Variants in GALNTL6 observed in about 807,000 individuals in gnomAD.
The protein encoded by GALNTL6 is polypeptide N-acetylgalactosaminyltransferase-like 6.
A neutral mutation model predicts 73.7 loss-of-function variants in GALNTL6; 46 were observed. The observed-to-expected ratio is 0.62, with a 90% CI of 0.49 to 0.80. The LOEUF is 0.80. Among genes scored for constraint, GALNTL6 ranks in the 30% least tolerant of loss-of-function variants. The pLI is 0.00. For synonymous variants in GALNTL6, 259 were observed against 263.7 expected, an observed-to-expected ratio of 0.98 and a Z score of 0.17; for missense variants, 604 against 755.0, an observed-to-expected ratio of 0.80 and a Z score of 2.34.
intron 2 of GALNTL6, among the ~76,000 whole-genome samples, chr4:171,980,689 C>T (rs1408361585): frequency 1.3e-5 from 2 of 152,110 alleles, no homozygotes; most frequent in African/African-American, 4.8e-5. Context: ...GTCGAAGTAC[C>T]AAGGGAAAAT....
intron 2 of GALNTL6, among the ~76,000 whole-genome samples, chr4:172,103,149 A>T (rs945151996): frequency 6.6e-6 from 1 of 152,138 alleles, no homozygotes; most frequent in Non-Finnish European, 1.5e-5. Flanking sequence ...CCGGCTAATC[A>T]CCCAGTGTGG....
chr4:172,853,030 T>C (rs1211719245), intron 7 of GALNTL6, among the ~76,000 whole-genome samples: 1 of 152,232 alleles, frequency 6.6e-6, no homozygotes, highest in Non-Finnish European at 1.5e-5. Flanking sequence ...TTTCACAAAA[T>C]TAACGACTTA....
chr4:173,024,159 C>T lies in GALNTL6; in HGVS notation c.1638+2534C>T, dbSNP rs561736491. ...TCCTGGGGAGAAAAAAAACTGGCTG[C>T]AGTGGTTTCAAGGGGAAACTCTTAT... On this transcript the variant is annotated intron_variant, in intron 12 of 12. Coordinates refer to ENST00000506823, the MANE Select transcript of GALNTL6 (RefSeq NM_001034845.3). 2.9e-3 allele frequency among the ~76,000 whole-genome samples: 447 copies of T among 152,282 alleles called. 6 individuals are homozygous for T. The highest frequency in any genetic ancestry group is 0.01 in the African/African-American group (421 of 41,566).
chr4:172,464,711 A>T (rs1295568218), intron 5 of GALNTL6, among the ~76,000 whole-genome samples: 1 of 150,990 alleles, frequency 6.6e-6, no homozygotes, highest in African/African-American at 2.4e-5. Context: ...TCTGTCTCAA[A>T]AATAATAATA....
intron 2 of GALNTL6, among the ~76,000 whole-genome samples, chr4:172,028,141 A>C (rs1223600579): frequency 1.3e-5 from 2 of 152,108 alleles, no homozygotes; most frequent in Admixed American, 6.6e-5. Context: ...AGCAAGGAGA[A>C]TTTCATAGCT....
intron 3 of GALNTL6, among the ~76,000 whole-genome samples, chr4:172,263,873 G>T (rs989073598): frequency 6.6e-6 from 1 of 151,500 alleles, no homozygotes; most frequent in East Asian, 1.9e-4. Context: ...ATGGTGGAAT[G>T]GTTCTTCATG....
intron 2 of GALNTL6, among the ~76,000 whole-genome samples, chr4:172,004,172 A>G (rs1195520194): frequency 6.6e-6 from 1 of 152,060 alleles, no homozygotes; most frequent in Admixed American, 6.6e-5. Context: ...GCCAAATTAA[A>G]CCTTTTGTTC....
At chr4:171,849,801 C>G (rs1253560217) in intron 2 of GALNTL6, among the ~76,000 whole-genome samples, 1 of 152,152 alleles carries the variant, frequency 6.6e-6, no homozygotes, top group Non-Finnish European at 1.5e-5. Flanking sequence ...AGAAAAGGCA[C>G]TTCAAAGGAG....
chr4:172,336,940 C>T (rs553824557), intron 4 of GALNTL6, among the ~76,000 whole-genome samples: 20 of 152,066 alleles, frequency 1.3e-4, no homozygotes, highest in Non-Finnish European at 2.2e-4. Flanking sequence ...AACATTGGTA[C>T]GCGTATATTT....
At chr4:172,533,582 A>C (rs7680565) in intron 5 of GALNTL6, among the ~76,000 whole-genome samples, 31,933 of 151,844 alleles carry the variant, frequency 0.21, 3,688 homozygotes, top group African/African-American at 0.29. Flanking sequence ...CTCAGCCTCC[A>C]AGTGTGCTGG....
chr4:172,391,525 G>T (rs1354244183), intron 5 of GALNTL6, among the ~76,000 whole-genome samples: 3 of 151,970 alleles, frequency 2.0e-5, no homozygotes, highest in Non-Finnish European at 4.4e-5. Flanking sequence ...CCTTCATAAG[G>T]GCTTTAATTT....
chr4:172,048,606 TTA>T, intron 2 of GALNTL6, among the ~76,000 whole-genome samples: 1 of 152,312 alleles, frequency 6.6e-6, no homozygotes, highest in Middle Eastern at 3.4e-3. Context: ...GTAGATTATA[TTA>T]TGTGATGTTA....
intron 5 of GALNTL6, among the ~76,000 whole-genome samples, chr4:172,797,411 A>AT (rs1173037984): frequency 6.6e-5 from 10 of 151,712 alleles, no homozygotes; most frequent in Non-Finnish European, 1.3e-4. Flanking sequence ...CGCCCGGCTA[A>AT]TTTTTTGTAT....
intron 2 of GALNTL6, among the ~76,000 whole-genome samples, chr4:171,991,740 A>G (rs953701819): frequency 6.9e-6 from 1 of 145,978 alleles, no homozygotes; most frequent in African/African-American, 2.5e-5. Context: ...GTATATATAT[A>G]TATATATATA....
At chr4:172,343,686 A>G (rs1369661915) in intron 4 of GALNTL6, among the ~76,000 whole-genome samples, 1 of 152,152 alleles carries the variant, frequency 6.6e-6, no homozygotes, top group Non-Finnish European at 1.5e-5. Flanking sequence ...GAAAACGTTT[A>G]TGTATTCTGT....
At chr4:172,187,836 T>G (rs1399941011) in intron 2 of GALNTL6, among the ~76,000 whole-genome samples, 2 of 152,184 alleles carry the variant, frequency 1.3e-5, no homozygotes, top group Non-Finnish European at 2.9e-5. Flanking sequence ...GTGTTGAAGG[T>G]TATGTTTGTC....
At chr4:171,872,644 G>C (rs1736170078) in intron 2 of GALNTL6, among the ~76,000 whole-genome samples, 1 of 152,106 alleles carries the variant, frequency 6.6e-6, no homozygotes, top group Non-Finnish European at 1.5e-5. Flanking sequence ...TCTGTTCCAG[G>C]CCTCTCTTCT....
intron 5 of GALNTL6, among the ~76,000 whole-genome samples, chr4:172,605,201 G>C (rs1242003497): frequency 6.6e-6 from 1 of 152,116 alleles, no homozygotes; most frequent in African/African-American, 2.4e-5. Flanking sequence ...TCTATGCCTG[G>C]TGAACTTAAA....
intron 2 of GALNTL6, among the ~76,000 whole-genome samples, chr4:172,073,448 A>G (rs1408223833): frequency 6.6e-6 from 1 of 152,196 alleles, no homozygotes. Flanking sequence ...ATGGTGAAAG[A>G]GAAGCAGTAT....
Sources: allele counts gnomAD v4.1 joint callset (sites outside exome capture counted in the v4.1 genomes callset), GRCh38; gene constraint gnomAD v4.1.1; transcripts MANE v1.5; gene names NCBI Gene and HGNC (gene_info 2026-07-23, HGNC 2026-07-21).